S1PR2: variants seen among roughly 807,000 people sequenced by gnomAD.
S1PR2 encodes sphingosine 1-phosphate receptor 2.
S1PR2 carries 9 observed loss-of-function variants against 16.1 expected under a neutral mutation model. The ratio of observed to expected loss-of-function variants is 0.56; its 90% confidence interval spans 0.34 to 0.98. The LOEUF is 0.98. S1PR2 is among the 50% of genes least tolerant of loss of function. The pLI is 0.02. For synonymous variants in S1PR2, 224 were observed against 233.9 expected (o/e 0.96, Z 0.38); for missense variants, 361 against 488.4 (o/e 0.74, Z 2.46).
In S1PR2 at chr19:10,224,546, G is replaced by T; in HGVS notation, c.360C>A (p.Val120=). ...GSAFITLSAS[V]FSLLAIAIER... ...CAATGGCGATGGCCAGGAGGCTGAA[G>T]ACAGAGGCCGAGAGCGTGATGAAGG... Residue 120 remains valine, a synonymous_variant, in exon 2 of 2, where the codon GTC becomes GTA. Coordinates refer to ENST00000646641, the MANE Select transcript of S1PR2 (RefSeq NM_004230.4). 2 of 1,613,892 alleles carry T rather than the reference G, an allele frequency of 1.2e-6. No individual in the cohort carries two copies. The highest frequency in any genetic ancestry group is 1.7e-6 in the Non-Finnish European group (2 of 1,180,056).
At chr19:10,230,396 A>G (rs532998109) in intron 1 of S1PR2, 4 of 154,734 alleles carry the variant, frequency 2.6e-5, no homozygotes, top group African/African-American at 9.6e-5. Flanking sequence ...GGGGGACCAG[A>G]TCGCAGCAGC....
chr19:10,225,597 A>G (rs2039629294), intron 1 of S1PR2, among the ~76,000 whole-genome samples: 1 of 151,100 alleles, frequency 6.6e-6, no homozygotes, highest in Non-Finnish European at 1.5e-5. Context: ...ACAGGGTTTC[A>G]CCATGTTGGC....
In S1PR2 at chr19:10,224,106, A is replaced by C; in HGVS notation, c.800T>G (p.Leu267Arg). Residue 267 changes from leucine to arginine, a missense_variant, in exon 2 of 2, where the codon CTC (leucine) becomes CGC (arginine). By Grantham distance (102) the Leu-to-Arg change is moderately radical. Transcript: ENST00000646641. ...GGCGAAAAAGTAGTGGGCTTTGTAG[A>C]GGATCGGGCAGGAGTGGACGGGACA... The part of the protein sequence containing the change: ...YACPVHSCPI[L>R]YKAHYFFAVS... The C allele has an allele frequency of 2.5e-6, 4 of 1,604,954 alleles. No homozygotes were observed. Among genetic ancestry groups the C allele is most frequent in the Non-Finnish European group, 3.4e-6 (4 of 1,179,960 alleles).
rs569872658 is a variant in S1PR2, at chr19:10,228,743, CAGA to C, written c.-43+2458_-43+2460del. Reference sequence around the variant, plus strand: ...CACCAAGTCTGCCCTGACTCCCTCTCAGAAGCTCAGAAAGAGGCCACTGGGCTC... The same window carrying C: ...CACCAAGTCTGCCCTGACTCCCTCTCAGCTCAGAAAGAGGCCACTGGGCTC... On this transcript the variant is annotated intron_variant, in intron 1 of 1. Transcript: ENST00000646641. 7.7e-3 allele frequency among the ~76,000 whole-genome samples: 1,179 copies of C among 152,298 alleles called. 17 individuals carry two copies. The highest frequency in any genetic ancestry group is 0.026 in the African/African-American group (1,098 of 41,548).
At position 10,224,707 on chromosome 19, in the gene S1PR2, C is replaced by T. The variant is rs769482969; in HGVS notation, c.199G>A (p.Ala67Thr). The T allele has an allele frequency of 2.5e-6, 4 of 1,614,232 alleles. No homozygotes were observed. The highest frequency in any genetic ancestry group is 3.4e-6 in the Non-Finnish European group (4 of 1,180,056). ...AVARNSKFHS[A>T]MYLFLGNLAA... ...AGGTTGCCCAGAAACAGGTACATTG[C>T]CGAGTGGAACTTGCTGTTTCGGGCC... Residue 67 changes from alanine to threonine, a missense_variant, in exon 2 of 2, where the codon GCA becomes ACA. By Grantham distance (58) the Ala-to-Thr change is moderately conservative. Transcript: ENST00000646641.
chr19:10,224,450 G>A lies in S1PR2; in HGVS notation c.456C>T (p.Ile152=), dbSNP rs539019136. 4.8e-5 allele frequency: 77 copies of A among 1,613,728 alleles called. No homozygotes were observed. Among genetic ancestry groups the A allele is most frequent in the African/African-American group, 2.9e-4 (22 of 75,076 alleles). ...CCAGCGAGATGAGCCACGAGGCCCC[G>A]ATGAGCAGAAGCATGCGGCAGCTCT... is the stretch of plus-strand genomic sequence containing the variant. ...SDKSCRMLLL[I]GASWLISLVL... The change falls in exon 2 of 2, where the codon ATC becomes ATT. Residue 152 remains isoleucine, a synonymous_variant. Coordinates refer to ENST00000646641, the MANE Select transcript of S1PR2 (RefSeq NM_004230.4).
intron 1 of S1PR2, among the ~76,000 whole-genome samples, chr19:10,230,162 A>C (rs2039661792): frequency 6.6e-6 from 1 of 152,166 alleles, no homozygotes; most frequent in African/African-American, 2.4e-5. Context: ...CTCCATGGAG[A>C]TGGCAGCAGG....
At chr19:10,228,619 T>C (rs1261800510) in intron 1 of S1PR2, among the ~76,000 whole-genome samples, 1 of 151,888 alleles carries the variant, frequency 6.6e-6, no homozygotes, top group African/African-American at 2.4e-5. Flanking sequence ...GGCAGAAGAG[T>C]CACCCCCTAG....
intron 1 of S1PR2, among the ~76,000 whole-genome samples, chr19:10,230,229 G>A (rs1464888630): frequency 1.3e-5 from 2 of 152,324 alleles, no homozygotes; most frequent in South Asian, 2.1e-4. Flanking sequence ...AGGAATGCGC[G>A]GTATCCACGC....
chr19:10,224,365 T>C lies in S1PR2; in HGVS notation c.541A>G (p.Thr181Ala), dbSNP rs773156107. 1.9e-6 allele frequency: 3 copies of C among 1,613,934 alleles called. No individual in the cohort carries two copies. The highest frequency in any genetic ancestry group is 1.1e-5 in the South Asian group (1 of 91,086). Reference sequence around the variant, plus strand: ...TGCTTGGCGTAGAGAGGCAGGACAGTGGAGCAGGCCTCGAGGTGGCCCAGG... The same window carrying C: ...TGCTTGGCGTAGAGAGGCAGGACAGCGGAGCAGGCCTCGAGGTGGCCCAGG... ...NCLGHLEACS[T>A]VLPLYAKHYV... The change falls in exon 2 of 2, where the codon ACT becomes GCT. Residue 181 changes from threonine to alanine, a missense_variant. Thr to Ala is a moderately conservative substitution (Grantham distance 58). Transcript: ENST00000646641.
Position 10,224,015 on chromosome 19 carries a change from C to G in S1PR2, c.891G>C (p.Arg297=). The G allele has an allele frequency of 6.2e-7, 1 of 1,612,446 alleles. No individual in the cohort carries two copies. Among genetic ancestry groups the G allele is most frequent in the Non-Finnish European group, 8.5e-7 (1 of 1,179,248 alleles). ...IYTWRSRDLR[R]EVLRPLQCWR... ...AGCACTGCAGCGGCCGAAGCACCTC[C>G]CGCCGCAGGTCCCGGCTGCGCCACG... Residue 297 remains arginine (R), a synonymous_variant, in exon 2 of 2, where the codon CGG becomes CGC. Transcript: ENST00000646641.
At position 10,224,233 on chromosome 19, in the gene S1PR2, C is replaced by T. The variant is rs143046723; in HGVS notation, c.673G>A (p.Ala225Thr). The change falls in exon 2 of 2, where the codon GCC (alanine) becomes ACC (threonine). Residue 225 changes from alanine to threonine, a missense_variant. By Grantham distance (58) the Ala-to-Thr change is moderately conservative. Coordinates refer to ENST00000646641, the MANE Select transcript of S1PR2 (RefSeq NM_004230.4). ...TTGAGCAGGGCTAGCGTCTGCGGGG[C>T]GGCCATGTCAGCGTGGCTTGAGCGG... ...VVRSSHADMAAPQTLALLKTV... is the reference protein window; with the variant it reads ...VVRSSHADMATPQTLALLKTV... 1.5e-4 allele frequency: 250 copies of T among 1,613,488 alleles called. No homozygotes were observed. The highest frequency in any genetic ancestry group is 1.4e-4 in the Non-Finnish European group (167 of 1,180,040).
intron 1 of S1PR2, among the ~76,000 whole-genome samples, chr19:10,226,098 T>C (rs1471225072): frequency 2.0e-5 from 3 of 152,192 alleles, no homozygotes; most frequent in Non-Finnish European, 4.4e-5. Context: ...GTTTGTCTCT[T>C]TTCTGGAACA....
At chr19:10,227,363 C>T (rs1243695472) in intron 1 of S1PR2, among the ~76,000 whole-genome samples, 1 of 152,136 alleles carries the variant, frequency 6.6e-6, no homozygotes, top group East Asian at 1.9e-4. Flanking sequence ...CAAGGGGCAT[C>T]CTGGCCCCTG....
At chr19:10,225,963 C>T (rs1303333081) in intron 1 of S1PR2, among the ~76,000 whole-genome samples, 1 of 152,140 alleles carries the variant, frequency 6.6e-6, no homozygotes, top group Admixed American at 6.5e-5. Context: ...CTGCCTCAGT[C>T]TCCTGAGTAG....
rs1357682642 is a variant in S1PR2 at position 10,224,078 on chromosome 19, G to A, written c.828C>T (p.Val276=). ...ILYKAHYFFA[V]STLNSLLNPV... ...GGTTGAGCAGGGAATTCAGGGTGGA[G>A]ACGGCGAAAAAGTAGTGGGCTTTGT... Residue 276 remains valine, a synonymous_variant, in exon 2 of 2, where the codon GTC becomes GTT. Transcript: ENST00000646641. 1 of 1,607,444 alleles carries A rather than the reference G, an allele frequency of 6.2e-7. No homozygotes were observed. Among genetic ancestry groups the A allele is most frequent in the Admixed American group, 1.7e-5 (1 of 60,022 alleles).
chr19:10,230,353 G>A (rs1353744586), intron 1 of S1PR2: 2 of 154,356 alleles, frequency 1.3e-5, no homozygotes, highest in East Asian at 3.8e-4. Flanking sequence ...CCCGCCAGGG[G>A]TCCCGCCTCG....
rs777202046 is a variant in S1PR2 at position 10,221,811 on chromosome 19, TAC to T, written c.*2031_*2032del. Reference sequence around the variant, plus strand: ...GTGCACACGCGCGCGCGCACACACATACACACACACACACATAAATATACGTT... The same window carrying T: ...GTGCACACGCGCGCGCGCACACACATACACACACACACATAAATATACGTT... On this transcript the variant is annotated 3_prime_UTR_variant, in exon 2 of 2. Transcript: ENST00000646641. The T allele has an allele frequency of 4.6e-5, 7 of 151,930 alleles. No homozygotes were observed. Among genetic ancestry groups the T allele is most frequent in the South Asian group, 2.1e-4 (1 of 4,802 alleles). The allele number at this position is 151,930 out of a possible 1,614,324, so 9.4% of individuals were successfully genotyped here.
intron 1 of S1PR2, among the ~76,000 whole-genome samples, chr19:10,230,233 T>A (rs2039662910): frequency 6.6e-6 from 1 of 151,642 alleles, no homozygotes; most frequent in East Asian, 2.0e-4. Context: ...ATGCGCGGTA[T>A]CCACGCTCGC....
Sources: allele counts gnomAD v4.1 joint callset (sites outside exome capture counted in the v4.1 genomes callset), GRCh38; gene constraint gnomAD v4.1.1; transcripts MANE v1.5; gene names NCBI Gene and HGNC (gene_info 2026-07-23, HGNC 2026-07-21).